MTUS2: variants seen among roughly 807,000 people sequenced by gnomAD.
MTUS2 encodes the protein microtubule-associated tumor suppressor candidate 2.
A neutral mutation model predicts 114.1 loss-of-function variants in MTUS2; 40 were observed. That is an observed-to-expected ratio of 0.35 (90% CI 0.27 to 0.46). MTUS2 has a LOEUF of 0.46. Among genes scored for constraint, MTUS2 ranks in the 20% least tolerant of loss-of-function variants. MTUS2 has a pLI of 1.00. For synonymous variants in MTUS2, 688 were observed against 672.0 expected, an observed-to-expected ratio of 1.02 and a Z score of -0.37; for missense variants, 1,679 against 1,705.4, an observed-to-expected ratio of 0.98 and a Z score of 0.27.
intron 7 of MTUS2, among the ~76,000 whole-genome samples, chr13:29,343,742 A>C (rs1037337240): frequency 1.3e-5 from 2 of 151,752 alleles, no homozygotes; most frequent in Non-Finnish European, 2.9e-5. Context: ...ATGACCTTAG[A>C]TTGTCTGTTT....
At chr13:29,021,419 A>T (rs1886286606) in intron 2 of MTUS2, among the ~76,000 whole-genome samples, 3 of 151,818 alleles carry the variant, frequency 2.0e-5, no homozygotes, top group Admixed American at 6.6e-5. Flanking sequence ...TTAAAATACA[A>T]CTCTTTCTAG....
chr13:28,966,839 C>G (rs1289885379), intron 2 of MTUS2, among the ~76,000 whole-genome samples: 3 of 151,854 alleles, frequency 2.0e-5, no homozygotes, highest in African/African-American at 7.3e-5. Flanking sequence ...AAATAATACC[C>G]ATTTTGAAAT....
At position 29,502,999 on chromosome 13, in the gene MTUS2, G is replaced by A; in HGVS notation, c.3903G>A (p.Leu1301=). ...TGTCATTGTGCCCATGCAGACAGCT[G>A]TCGGAGGAAAATGCTAACCTCCAGG... ...IDQNTVVTRQ[L]SEENANLQEY... is the part of the protein sequence containing the mutation. The change falls in exon 16 of 16, where the codon CTG becomes CTA. Residue 1301 remains leucine, a synonymous_variant. Coordinates refer to ENST00000612955, the MANE Select transcript of MTUS2 (RefSeq NM_001033602.4). 2.5e-6 allele frequency: 4 copies of A among 1,614,110 alleles called. No individual in the cohort carries two copies. Among genetic ancestry groups the A allele is most frequent in the South Asian group, 1.1e-5 (1 of 91,048 alleles).
intron 6 of MTUS2, among the ~76,000 whole-genome samples, chr13:29,296,710 A>T (rs536769347): frequency 2.6e-5 from 4 of 152,152 alleles, no homozygotes; most frequent in African/African-American, 7.2e-5. Flanking sequence ...GATGTTGAAC[A>T]TTTTTTATAT....
intron 2 of MTUS2, among the ~76,000 whole-genome samples, chr13:28,892,623 T>C (rs1878999593): frequency 6.6e-6 from 1 of 152,082 alleles, no homozygotes; most frequent in African/African-American, 2.4e-5. Context: ...CCTGGTGGGG[T>C]TGGATGAGAG....
chr13:29,024,650 T>C lies in MTUS2; in HGVS notation c.-49T>C, dbSNP rs773850338. The C allele has an allele frequency of 5.1e-6, 8 of 1,580,654 alleles. No homozygotes were observed. The South Asian group carries it at 8.3e-5, about 16-fold the overall frequency. On this transcript the variant is annotated 5_prime_UTR_variant, in exon 3 of 16. Transcript: ENST00000612955. Reference sequence around the variant, plus strand: ...TGATTGCAGCTTGAAGGCAGCCCATTTCCATTAAGTAGGACTGCATGGCAA... The same window carrying C: ...TGATTGCAGCTTGAAGGCAGCCCATCTCCATTAAGTAGGACTGCATGGCAA...
chr13:29,065,733 G>A (rs1443997550), intron 4 of MTUS2, among the ~76,000 whole-genome samples: 1 of 152,136 alleles, frequency 6.6e-6, no homozygotes, highest in Non-Finnish European at 1.5e-5. Flanking sequence ...CAGTCCTGGT[G>A]CTCTGAGTCT....
At chr13:29,264,741 AG>A (rs1222358030) in intron 5 of MTUS2, among the ~76,000 whole-genome samples, 3 of 152,218 alleles carry the variant, frequency 2.0e-5, no homozygotes, top group African/African-American at 7.2e-5. Context: ...TTGGAGCCAC[AG>A]TGATTGGGAT....
intron 6 of MTUS2, among the ~76,000 whole-genome samples, chr13:29,297,049 A>AC (rs1898978581): frequency 6.6e-6 from 1 of 151,776 alleles, no homozygotes; most frequent in African/African-American, 2.4e-5. Flanking sequence ...TATTTCTCCT[A>AC]TTTTTTCTTC....
chr13:28,854,927 GA>G (rs34250462), intron 2 of MTUS2, among the ~76,000 whole-genome samples: 97,874 of 151,798 alleles, frequency 0.64, 34,755 homozygotes, highest in Non-Finnish European at 0.78. Flanking sequence ...CCCTCCTGGG[GA>G]TGCTCTGGTG....
intron 5 of MTUS2, among the ~76,000 whole-genome samples, chr13:29,236,347 C>A (rs1896535579): frequency 6.6e-6 from 1 of 152,006 alleles, no homozygotes; most frequent in African/African-American, 2.4e-5. Flanking sequence ...TTTTTTTAAT[C>A]AAATTATTTT....
At chr13:29,145,112 T>G (rs1892376947) in intron 5 of MTUS2, among the ~76,000 whole-genome samples, 1 of 152,228 alleles carries the variant, frequency 6.6e-6, no homozygotes, top group Non-Finnish European at 1.5e-5. Context: ...CTATTGACTT[T>G]TATCAAAGTT....
At chr13:29,068,247 T>G (rs1366254154) in intron 4 of MTUS2, among the ~76,000 whole-genome samples, 1 of 152,256 alleles carries the variant, frequency 6.6e-6, no homozygotes, top group Non-Finnish European at 1.5e-5. Flanking sequence ...ATTATTGAAA[T>G]GGACATTGGC....
chr13:28,963,807 G>C (rs1274013522), intron 2 of MTUS2, among the ~76,000 whole-genome samples: 1 of 152,126 alleles, frequency 6.6e-6, no homozygotes, highest in Non-Finnish European at 1.5e-5. Flanking sequence ...AGCTGCAGTG[G>C]TCACTTCAGT....
intron 5 of MTUS2, among the ~76,000 whole-genome samples, chr13:29,251,835 G>C (rs1197896978): frequency 6.6e-6 from 1 of 152,124 alleles, no homozygotes; most frequent in Admixed American, 6.5e-5. Context: ...TCATTTATCT[G>C]TCAATGGACA....
chr13:29,220,062 C>G (rs949355085), intron 5 of MTUS2, among the ~76,000 whole-genome samples: 1 of 151,498 alleles, frequency 6.6e-6, no homozygotes, highest in Non-Finnish European at 1.5e-5. Context: ...ATGGCACAAT[C>G]TCTGCTCACT....
intron 7 of MTUS2, among the ~76,000 whole-genome samples, chr13:29,336,062 G>A (rs1901047701): frequency 6.6e-6 from 1 of 152,068 alleles, no homozygotes; most frequent in South Asian, 2.1e-4. Context: ...CTCTAAACTG[G>A]TTATTCTAGT....
At chr13:29,468,585 T>TACACACACAC (rs59451142) in intron 9 of MTUS2, among the ~76,000 whole-genome samples, 5 of 146,754 alleles carry the variant, frequency 3.4e-5, no homozygotes, top group South Asian at 2.2e-4. Flanking sequence ...TGTCTCAAAA[T>TACACACACAC]ACACACACAC....
At chr13:29,106,888 A>G (rs1342351581) in intron 5 of MTUS2, among the ~76,000 whole-genome samples, 1 of 151,958 alleles carries the variant, frequency 6.6e-6, no homozygotes, top group African/African-American at 2.4e-5. Flanking sequence ...CAGGTCTTCC[A>G]TGACCTGGCC....
Sources: gnomAD v4.1 joint callset for allele counts (sites outside exome capture counted in the v4.1 genomes callset) on GRCh38, gnomAD v4.1.1 for gene constraint, MANE v1.5 for transcripts, NCBI Gene and HGNC (gene_info 2026-07-23, HGNC 2026-07-21) for gene names.